CLIC6: variants seen among roughly 807,000 people sequenced by gnomAD.
CLIC6 encodes CLIC family member 6.
A neutral mutation model predicts 49.2 loss-of-function variants in CLIC6; 39 were observed. The ratio of observed to expected loss-of-function variants is 0.79; its 90% CI spans 0.61 to 1.04. The LOEUF (loss-of-function observed/expected upper bound fraction) is 1.04, where lower values mean the gene tolerates loss of function less well. CLIC6 is among the 50% of genes least tolerant of loss of function. CLIC6 has a pLI of 0.00. For synonymous variants in CLIC6, 446 were observed against 433.4 expected (o/e 1.03, Z -0.36); for missense variants, 988 against 993.1 (o/e 0.99, Z 0.07).
intron 1 of CLIC6, among the ~76,000 whole-genome samples, chr21:34,672,079 C>T (rs1209031590): frequency 6.6e-6 from 1 of 152,206 alleles, no homozygotes; most frequent in Admixed American, 6.5e-5. Context: ...GGCACACGGC[C>T]TCTTAGCACA....
At chr21:34,701,326 A>T (rs1432882404) in intron 1 of CLIC6, among the ~76,000 whole-genome samples, 1 of 151,458 alleles carries the variant, frequency 6.6e-6, no homozygotes, top group Non-Finnish European at 1.5e-5. Flanking sequence ...AAAAAAAAAA[A>T]AAAAAAAATC....
chr21:34,689,390 T>C (rs1989945954), intron 1 of CLIC6, among the ~76,000 whole-genome samples: 1 of 152,224 alleles, frequency 6.6e-6, no homozygotes, highest in Non-Finnish European at 1.5e-5. Context: ...AATGATGTTT[T>C]TCCTTTGGGG....
Position 34,669,764 on chromosome 21 carries a change from C to T in CLIC6, c.376C>T (p.Gln126Ter), listed in dbSNP as rs1012940375. The T allele has an allele frequency of 2.1e-6, 3 of 1,411,264 alleles. No homozygotes were observed. The highest frequency in any genetic ancestry group is 1.8e-6 in the Non-Finnish European group (2 of 1,093,610). The allele number at this position is 1,411,264 out of a possible 1,614,324, so 87.4% of individuals were successfully genotyped here. Residue 126 changes from glutamine to a stop codon, truncating the protein, a stop_gained, in exon 1 of 6, where the codon CAG becomes TAG. Transcript: ENST00000349499. LOFTEE classifies it high-confidence loss of function. ...GCAGGGCGAGCCCCGCGGGGAGGCTCAGAGGGAGCCCGAGGACTCTGCGGC... is the reference window on the plus strand; with the variant it reads ...GCAGGGCGAGCCCCGCGGGGAGGCTTAGAGGGAGCCCGAGGACTCTGCGGC... ...GAQGEPRGEAQREPEDSAAPE... is the reference protein window; with the variant it reads ...GAQGEPRGEA
intron 1 of CLIC6, among the ~76,000 whole-genome samples, chr21:34,705,792 C>CA (rs139696808): frequency 0.013 from 2,001 of 152,302 alleles, 128 homozygotes; most frequent in Admixed American, 0.096. Context: ...TGGGGGTTCA[C>CA]ATTGTTTTGT....
intron 1 of CLIC6, among the ~76,000 whole-genome samples, chr21:34,702,821 C>G (rs762941190): frequency 6.6e-6 from 1 of 152,212 alleles, no homozygotes; most frequent in Admixed American, 6.5e-5. Context: ...CTCTTTCTCT[C>G]TGGCTTTTCA....
At chr21:34,696,178 A>C (rs1001867706) in intron 1 of CLIC6, among the ~76,000 whole-genome samples, 9 of 149,562 alleles carry the variant, frequency 6.0e-5, no homozygotes, top group East Asian at 2.0e-4. Context: ...ATGACTAGAG[A>C]CCCCCCCCAT....
intron 1 of CLIC6, among the ~76,000 whole-genome samples, chr21:34,681,862 G>T (rs1472093350): frequency 1.3e-5 from 2 of 152,160 alleles, no homozygotes; most frequent in African/African-American, 2.4e-5. Flanking sequence ...AAAAGGCAAA[G>T]AATTTGTGGA....
At chr21:34,705,931 A>G in intron 1 of CLIC6, 2 of 521,922 alleles carry the variant, frequency 3.8e-6, no homozygotes, top group Admixed American at 6.6e-5. Context: ...CATGTTAAAA[A>G]TTCACATTCC....
At chr21:34,681,262 A>G (rs747697401) in intron 1 of CLIC6, among the ~76,000 whole-genome samples, 38 of 152,256 alleles carry the variant, frequency 2.5e-4, no homozygotes, top group Non-Finnish European at 4.7e-4. Context: ...ATCAGATCTC[A>G]TAAGAACTCA....
intron 1 of CLIC6, among the ~76,000 whole-genome samples, chr21:34,677,749 G>A (rs1297297307): frequency 6.6e-6 from 1 of 152,078 alleles, no homozygotes; most frequent in Non-Finnish European, 1.5e-5. Flanking sequence ...TGTGTCTAAT[G>A]GCTAGAACTG....
chr21:34,709,445 C>G lies in CLIC6; in HGVS notation c.1806C>G (p.Thr602=). ...CTGATGAAATAGATGCCTACAGCAC[C>G]GAGGATGTCACTGTTTCTGGAAGGA... ...PLPDEIDAYS[T]EDVTVSGRKF... is the part of the protein sequence containing the mutation. The change falls in exon 5 of 6, where the codon ACC becomes ACG. Residue 602 remains threonine (T), a synonymous_variant. Coordinates refer to ENST00000349499, the MANE Select transcript of CLIC6 (RefSeq NM_053277.3). 6.2e-7 allele frequency: 1 copy of G among 1,613,952 alleles called. No homozygotes were observed. Among genetic ancestry groups the G allele is most frequent in the Non-Finnish European group, 8.5e-7 (1 of 1,179,860 alleles).
intron 2 of CLIC6, 127 bp from the exon 3 acceptor site, chr21:34,707,817 A>G (rs552842725): frequency 2.1e-6 from 2 of 953,272 alleles, no homozygotes; most frequent in Admixed American, 2.5e-5. Context: ...CATTTTCATA[A>G]ACCCACCATC....
chr21:34,708,758 G>C lies in CLIC6; in HGVS notation c.1669G>C (p.Ala557Pro). Residue 557 changes from alanine to proline, a missense_variant, in exon 4 of 6, where the codon GCC (alanine) becomes CCC (proline). Ala to Pro is a conservative substitution (Grantham distance 27, BLOSUM62 -1). Transcript: ENST00000349499. ...TAATTCCGCAGGAAATGACGTGTTTGCCAAATTCTCAGCGTTTATAAAAAA... is the reference window on the plus strand; with the variant it reads ...TAATTCCGCAGGAAATGACGTGTTTCCCAAATTCTCAGCGTTTATAAAAAA... ...ESNSAGNDVF[A>P]KFSAFIKNTK... is the part of the protein sequence containing the mutation. 2 of 1,614,164 alleles carry C rather than the reference G, an allele frequency of 1.2e-6. No homozygotes were observed. Among genetic ancestry groups the C allele is most frequent in the Non-Finnish European group, 1.7e-6 (2 of 1,180,012 alleles).
Position 34,669,342 on chromosome 21 carries a change from A to G in CLIC6, c.-47A>G. 1 of 1,229,254 alleles carries G rather than the reference A, an allele frequency of 8.1e-7. No homozygotes were observed. The highest frequency in any genetic ancestry group is 1.0e-6 in the Non-Finnish European group (1 of 984,868). The allele number at this position is 1,229,254 out of a possible 1,614,324, so 76.1% of individuals were successfully genotyped here. A position where few individuals can be genotyped will look rare whatever the true frequency, so the allele number is the denominator to read the frequency against. On this transcript the variant is annotated 5_prime_UTR_variant, in exon 1 of 6. Coordinates refer to ENST00000349499, the MANE Select transcript of CLIC6 (RefSeq NM_053277.3). Reference sequence around the variant, plus strand: ...CCTTGCCCAGCGCCACCGACCCTTAAGCAGCGTCAAGGAAGGAGTCCCGAT... The same window carrying G: ...CCTTGCCCAGCGCCACCGACCCTTAGGCAGCGTCAAGGAAGGAGTCCCGAT...
At position 34,707,292 on chromosome 21, in the gene CLIC6, G is replaced by A; in HGVS notation, c.1387G>A (p.Gly463Ser). Reference sequence around the variant, plus strand: ...TCTCCACTTGTAGGCTGGTTATGATGGTGAGAGTATCGGAAATTGCCCGTT... The same window carrying A: ...TCTCCACTTGTAGGCTGGTTATGATAGTGAGAGTATCGGAAATTGCCCGTT... ...ITLFVKAGYD[G>S]ESIGNCPFSQ... Residue 463 changes from glycine (G) to serine (S), a missense_variant, in exon 2 of 6, where the codon GGT becomes AGT. By Grantham distance (56) the Gly-to-Ser change is moderately conservative (BLOSUM62 0). Transcript: ENST00000349499. The A allele has an allele frequency of 6.2e-7, 1 of 1,613,586 alleles. No individual in the cohort carries two copies. The highest frequency in any genetic ancestry group is 8.5e-7 in the Non-Finnish European group (1 of 1,179,486).
chr21:34,693,964 G>T (rs112950759), intron 1 of CLIC6, among the ~76,000 whole-genome samples: 2,417 of 146,678 alleles, frequency 0.016, 74 homozygotes, highest in African/African-American at 0.06. Flanking sequence ...TGTTGTTGTT[G>T]TTGTTGTTTT....
At chr21:34,680,869 T>G (rs915686723) in intron 1 of CLIC6, among the ~76,000 whole-genome samples, 1 of 152,260 alleles carries the variant, frequency 6.6e-6, no homozygotes, top group African/African-American at 2.4e-5. Context: ...CACAGCTTCC[T>G]GTCTTCTGAA....
At position 34,716,727 on chromosome 21, in the gene CLIC6, A is replaced by G; in HGVS notation, c.*245A>G. 3.2e-6 allele frequency: 1 copy of G among 311,174 alleles called. No homozygotes were observed. Among genetic ancestry groups the G allele is most frequent in the Non-Finnish European group, 5.9e-6 (1 of 169,806 alleles). 19.3% of individuals were successfully genotyped at this position (311,174 alleles called of 1,614,324 possible). A position where few individuals can be genotyped will look rare whatever the true frequency, so the allele number is the denominator to read the frequency against. ...ACCTATCTTGATATTTTAAAGCAAT[A>G]TCAGAGGGTGTAAAGAAGGACATTT... On this transcript the variant is annotated 3_prime_UTR_variant, in exon 6 of 6. Coordinates refer to ENST00000349499, the MANE Select transcript of CLIC6 (RefSeq NM_053277.3).
At chr21:34,688,308 C>T (rs966265938) in intron 1 of CLIC6, among the ~76,000 whole-genome samples, 5 of 152,182 alleles carry the variant, frequency 3.3e-5, no homozygotes, top group African/African-American at 7.2e-5. Flanking sequence ...AGCCTTATTT[C>T]TGCTGCTGGG....
Sources: gnomAD v4.1 joint callset for allele counts (sites outside exome capture counted in the v4.1 genomes callset) on GRCh38, gnomAD v4.1.1 for gene constraint, MANE v1.5 for transcripts, NCBI Gene and HGNC (gene_info 2026-07-23, HGNC 2026-07-21) for gene names.